The following MACROD2 variants were observed in gnomAD, a reference collection of about 807,000 sequenced individuals.
MACROD2 encodes the protein ADP-ribose glycohydrolase MACROD2.
A neutral mutation model predicts 70.4 loss-of-function variants in MACROD2; 36 were observed. That is an observed-to-expected ratio of 0.51 (90% CI 0.39 to 0.68). MACROD2 has a LOEUF of 0.68. MACROD2 is among the 30% of genes least tolerant of loss of function. The pLI, the probability that MACROD2 is intolerant of heterozygous loss-of-function variation, is 0.00. For missense variants in MACROD2, 496 were observed against 538.4 expected (o/e 0.92, Z 0.78); for synonymous variants, 172 against 178.8 (o/e 0.96, Z 0.30).
chr20:15,861,149 C>G (rs113223048), intron 8 of MACROD2, among the ~76,000 whole-genome samples: 3,097 of 152,262 alleles, frequency 0.02, 39 homozygotes, highest in Middle Eastern at 0.078. Context: ...ATTATTTAAA[C>G]AGTACTTATG....
intron 5 of MACROD2, among the ~76,000 whole-genome samples, chr20:15,016,999 C>T (rs1433870771): frequency 1.3e-5 from 2 of 152,206 alleles, no homozygotes; most frequent in East Asian, 3.9e-4. Context: ...CTGCCCTTGG[C>T]CCCTCCAAAT....
chr20:14,934,649 T>C (rs2074325085), intron 5 of MACROD2, among the ~76,000 whole-genome samples: 1 of 151,982 alleles, frequency 6.6e-6, no homozygotes, highest in South Asian at 2.1e-4. Flanking sequence ...TAGCTGGGTG[T>C]GGTGGCATGT....
chr20:14,540,577 A>G (rs778111830), intron 4 of MACROD2, among the ~76,000 whole-genome samples: 1 of 152,176 alleles, frequency 6.6e-6, no homozygotes, highest in Admixed American at 6.6e-5. Flanking sequence ...CTTGACAGGT[A>G]TAAAAAGGCC....
At chr20:15,149,564 G>A (rs2076254175) in intron 5 of MACROD2, among the ~76,000 whole-genome samples, 1 of 151,980 alleles carries the variant, frequency 6.6e-6, no homozygotes, top group Non-Finnish European at 1.5e-5. Context: ...AGCTGAAGGA[G>A]CCAGGGAGCA....
intron 5 of MACROD2, among the ~76,000 whole-genome samples, chr20:15,150,419 C>G (rs536834128): frequency 2.0e-5 from 3 of 152,174 alleles, no homozygotes; most frequent in Admixed American, 6.5e-5. Flanking sequence ...TGATAAGGCA[C>G]AGATCCTGAA....
chr20:15,790,976 C>T (rs889526644), intron 8 of MACROD2, among the ~76,000 whole-genome samples: 25 of 151,758 alleles, frequency 1.6e-4, no homozygotes, highest in African/African-American at 6.0e-4. Flanking sequence ...TCTGTTATTA[C>T]CCTGTTATGA....
chr20:15,457,151 C>A (rs6043293), intron 7 of MACROD2, among the ~76,000 whole-genome samples: 100,946 of 149,242 alleles, frequency 0.68, 35,059 homozygotes, highest in African/African-American at 0.84. Context: ...TGGTTGTCTT[C>A]TATTTACTGT....
chr20:15,549,048 T>G (rs1390025747), intron 8 of MACROD2, among the ~76,000 whole-genome samples: 1 of 152,232 alleles, frequency 6.6e-6, no homozygotes, highest in Non-Finnish European at 1.5e-5. Context: ...AGTCAAGCCC[T>G]TCAGACTACA....
intron 8 of MACROD2, among the ~76,000 whole-genome samples, chr20:15,516,613 G>A (rs551219948): frequency 2.0e-5 from 3 of 152,204 alleles, no homozygotes; most frequent in African/African-American, 4.8e-5. Context: ...AGAAGGTAGA[G>A]GGCAGCCTGA....
chr20:15,818,569 C>G (rs942335374), intron 8 of MACROD2, among the ~76,000 whole-genome samples: 1 of 152,176 alleles, frequency 6.6e-6, no homozygotes, highest in Non-Finnish European at 1.5e-5. Flanking sequence ...TTTACCACAA[C>G]CTGTTTTATC....
chr20:14,848,259 C>T (rs1264828584), intron 5 of MACROD2, among the ~76,000 whole-genome samples: 1 of 152,162 alleles, frequency 6.6e-6, no homozygotes, highest in African/African-American at 2.4e-5. Flanking sequence ...AACTTGTACA[C>T]ATCCACTGTC....
At chr20:14,923,582 C>T (rs1268187439) in intron 5 of MACROD2, among the ~76,000 whole-genome samples, 2 of 152,066 alleles carry the variant, frequency 1.3e-5, no homozygotes, top group Non-Finnish European at 2.9e-5. Context: ...CTTACTTTCT[C>T]TATAAAGTCT....
intron 8 of MACROD2, among the ~76,000 whole-genome samples, chr20:15,603,634 T>C (rs1207960987): frequency 6.6e-6 from 1 of 152,116 alleles, no homozygotes; most frequent in Non-Finnish European, 1.5e-5. Context: ...TCATAAGGGA[T>C]GCAGGAGCCA....
chr20:15,698,163 A>G (rs1246065463), intron 8 of MACROD2, among the ~76,000 whole-genome samples: 1 of 152,010 alleles, frequency 6.6e-6, no homozygotes, highest in Non-Finnish European at 1.5e-5. Flanking sequence ...TTTTTGTTTT[A>G]TAGGTCCTGT....
chr20:14,764,402 G>A (rs1042540920), intron 5 of MACROD2, among the ~76,000 whole-genome samples: 3 of 152,020 alleles, frequency 2.0e-5, no homozygotes, highest in African/African-American at 7.3e-5. Context: ...ATCATGAGGA[G>A]TCCCTTCATT....
At chr20:15,963,167 G>A (rs890457955) in intron 12 of MACROD2, among the ~76,000 whole-genome samples, 1 of 152,172 alleles carries the variant, frequency 6.6e-6, no homozygotes, top group Admixed American at 6.6e-5. Flanking sequence ...AGAAAATCCA[G>A]GTGATGGTGT....
At chr20:14,793,435 T>TC (rs1158145090) in intron 5 of MACROD2, among the ~76,000 whole-genome samples, 1 of 151,492 alleles carries the variant, frequency 6.6e-6, no homozygotes, top group Non-Finnish European at 1.5e-5. Context: ...TCATTTTATC[T>TC]CCCCCCACCA....
chr20:15,672,533 T>C (rs1379734071), intron 8 of MACROD2, among the ~76,000 whole-genome samples: 1 of 152,156 alleles, frequency 6.6e-6, no homozygotes, highest in Non-Finnish European at 1.5e-5. Flanking sequence ...AACATACCCT[T>C]GCTCCCATTC....
intron 15 of MACROD2, among the ~76,000 whole-genome samples, chr20:16,016,018 A>C (rs1398872587): frequency 6.6e-6 from 1 of 152,124 alleles, no homozygotes; most frequent in Middle Eastern, 3.2e-3. Context: ...CTAATTAAGA[A>C]ACTGAAGTGA....
Sources: allele counts gnomAD v4.1 joint callset (sites outside exome capture counted in the v4.1 genomes callset), GRCh38; gene constraint gnomAD v4.1.1; transcripts MANE v1.5; gene names NCBI Gene and HGNC (gene_info 2026-07-23, HGNC 2026-07-21).